TG: variants seen among roughly 807,000 people sequenced by gnomAD.
TG encodes thyroglobulin, also known as thyroid hormones.
Under a neutral mutation model 324.7 loss-of-function variants are expected in TG, and 270 were observed. The observed-to-expected ratio is 0.83, with a 90% CI of 0.75 to 0.92. TG has a LOEUF of 0.92. TG is among the 40% of genes least tolerant of loss of function. TG has a pLI of 0.00. For missense variants in TG, 3,591 were observed against 3,456.4 expected (o/e 1.04, Z -0.98); for synonymous variants, 1,401 against 1,327.0 (o/e 1.06, Z -1.21).
chr8:133,114,228 T>G (rs543383240), intron 44 of TG, among the ~76,000 whole-genome samples: 1 of 152,274 alleles, frequency 6.6e-6, no homozygotes, highest in South Asian at 2.1e-4. Flanking sequence ...GCCCTCTCTC[T>G]GGGGCCCGCT....
At chr8:132,897,906 G>A (rs1817352899) in intron 12 of TG, 120 bp downstream of exon 12, 2 of 1,282,644 alleles carry the variant, frequency 1.6e-6, no homozygotes, top group South Asian at 2.5e-5. Context: ...AGCAGCTGGT[G>A]AAAAATTCCT....
chr8:132,985,679 G>C (rs1278746326), intron 35 of TG, among the ~76,000 whole-genome samples: 2 of 152,108 alleles, frequency 1.3e-5, no homozygotes, highest in Non-Finnish European at 2.9e-5. Context: ...AATCCCTGCT[G>C]TACCCCTGCC....
At chr8:133,092,999 G>A (rs1013387971) in intron 41 of TG, among the ~76,000 whole-genome samples, 5 of 152,104 alleles carry the variant, frequency 3.3e-5, no homozygotes, top group Non-Finnish European at 7.3e-5. Flanking sequence ...TATTGAAACC[G>A]TCAGTGGGGG....
chr8:133,057,949 T>C (rs556270760), intron 41 of TG, among the ~76,000 whole-genome samples: 4 of 152,244 alleles, frequency 2.6e-5, no homozygotes, highest in South Asian at 4.1e-4. Context: ...GGGTCTGTGG[T>C]GCCTCTCTGG....
chr8:132,877,576 C>T (rs547782861), intron 5 of TG, among the ~76,000 whole-genome samples: 7 of 152,158 alleles, frequency 4.6e-5, no homozygotes, highest in East Asian at 3.9e-4. Flanking sequence ...AGGCAGGAAT[C>T]GTACTCTGCG....
At position 132,887,404 on chromosome 8, in the gene TG, G is replaced by A; in HGVS notation, c.2032G>A (p.Ala678Thr). The change falls in exon 9 of 48, where the codon GCT becomes ACT. Residue 678 changes from alanine (A) to threonine (T), a missense_variant. Physicochemically the swap from Ala to Thr is moderately conservative, Grantham distance 58. Transcript: ENST00000220616. The part of the protein sequence containing the change: ...RMQSLMGSQP[A>T]GSTLFVPACT... ...GCAAAGCCTCATGGGCAGCCAGCCT[G>A]CTGGCTCCACCTTGTTTGTCCCTGC... 6.2e-7 allele frequency: 1 copy of A among 1,614,148 alleles called. No homozygotes were observed.
chr8:133,106,509 C>T (rs1213011851), intron 43 of TG: 1 of 972,236 alleles, frequency 1.0e-6, no homozygotes, highest in Non-Finnish European at 1.2e-6. Flanking sequence ...ACCCAGCCCT[C>T]TGTTCTTTCT....
chr8:133,119,352 A>G (rs1850957699), intron 45 of TG, among the ~76,000 whole-genome samples: 3 of 152,206 alleles, frequency 2.0e-5, no homozygotes, highest in African/African-American at 7.2e-5. Flanking sequence ...TTTTACAGAT[A>G]TGAAGTGTGT....
intron 35 of TG, among the ~76,000 whole-genome samples, chr8:133,004,800 C>A (rs1274970070): frequency 1.3e-5 from 2 of 152,242 alleles, no homozygotes; most frequent in East Asian, 3.9e-4. Flanking sequence ...GATGTTAGAA[C>A]GGTTTTGGTT....
chr8:132,949,450 T>C (rs1009495426), intron 27 of TG, among the ~76,000 whole-genome samples: 2 of 152,128 alleles, frequency 1.3e-5, no homozygotes, highest in African/African-American at 2.4e-5. Flanking sequence ...GGGTGGGAAA[T>C]AGACTCTACT....
intron 21 of TG, among the ~76,000 whole-genome samples, chr8:132,920,690 C>T (rs113129909): frequency 1.5e-3 from 236 of 152,310 alleles, no homozygotes; most frequent in African/African-American, 5.2e-3. Context: ...GGGGATATGA[C>T]AGAAATGGCA....
chr8:133,019,478 T>C, intron 38 of TG, 124 bp from the exon 39 acceptor site: 1 of 770,974 alleles, frequency 1.3e-6, no homozygotes, highest in Non-Finnish European at 2.3e-6. Flanking sequence ...TGAAGCTGCC[T>C]AATTTCTGCA....
rs576517434 is a variant in TG, at chr8:133,111,633, G to C, written c.7573-1789G>C. 1.2e-4 allele frequency among the ~76,000 whole-genome samples: 18 copies of C among 152,330 alleles called. No individual in the cohort carries two copies. In the South Asian group the frequency reaches 3.5e-3, roughly 30 times the overall value. On this transcript the variant is annotated intron_variant, in intron 43 of 47. Coordinates refer to ENST00000220616, the MANE Select transcript of TG (RefSeq NM_003235.5). The stretch of plus-strand genomic sequence containing the variant: ...GAAACTCTCAGATGCGTTGTAGATG[G>C]TAAGAGTATGGAGTGTGAACATTAT...
chr8:133,098,296 C>G (rs1848735989), intron 43 of TG, among the ~76,000 whole-genome samples: 1 of 152,198 alleles, frequency 6.6e-6, no homozygotes, highest in African/African-American at 2.4e-5. Flanking sequence ...TACATGTGTA[C>G]TCTTGTACTA....
intron 45 of TG, among the ~76,000 whole-genome samples, chr8:133,126,357 G>C (rs898026971): frequency 1.3e-5 from 2 of 152,134 alleles, no homozygotes; most frequent in Admixed American, 1.3e-4. Flanking sequence ...GTTGGGCCTT[G>C]GTAAGCACAC....
At chr8:133,033,978 A>G (rs537703741) in intron 41 of TG, among the ~76,000 whole-genome samples, 1 of 152,370 alleles carries the variant, frequency 6.6e-6, no homozygotes, top group South Asian at 2.1e-4. Flanking sequence ...GACAGTGCTG[A>G]GTTCCACTAA....
intron 43 of TG, among the ~76,000 whole-genome samples, chr8:133,101,778 G>A (rs562636383): frequency 5.5e-4 from 84 of 152,326 alleles, no homozygotes; most frequent in Non-Finnish European, 1.0e-3. Flanking sequence ...TGGAGAGATG[G>A]ACATCTATTC....
chr8:133,095,306 C>G, intron 42 of TG, 98 bp downstream of exon 42: 1 of 1,540,400 alleles, frequency 6.5e-7, no homozygotes, highest in South Asian at 1.1e-5. Context: ...CCCAGCCATA[C>G]CACACATGAG....
chr8:133,020,726 C>A (rs763764228), intron 39 of TG, among the ~76,000 whole-genome samples: 1 of 152,308 alleles, frequency 6.6e-6, no homozygotes, highest in East Asian at 1.9e-4. Flanking sequence ...ATGAGTGACT[C>A]CACTGCTCTG....
Sources: gnomAD v4.1 joint callset for allele counts (sites outside exome capture counted in the v4.1 genomes callset) on GRCh38, gnomAD v4.1.1 for gene constraint, MANE v1.5 for transcripts, NCBI Gene and HGNC (gene_info 2026-07-23, HGNC 2026-07-21) for gene names.